The following FOXP1 variants were observed in gnomAD, a reference collection of about 807,000 sequenced individuals.
FOXP1 encodes forkhead box P1.
A neutral mutation model predicts 98.2 loss-of-function variants in FOXP1; 15 were observed. The ratio of observed to expected loss-of-function variants is 0.15; its 90% confidence interval spans 0.10 to 0.24. The LOEUF (loss-of-function observed/expected upper bound fraction) is 0.24, where lower values mean the gene tolerates loss of function less well. Ranked by LOEUF, FOXP1 falls within the 10% of genes least tolerant of loss-of-function variation. The pLI, the probability that FOXP1 is intolerant of heterozygous loss-of-function variation, is 1.00. For missense variants in FOXP1, 633 were observed against 848.5 expected (o/e 0.75, Z 3.15); for synonymous variants, 371 against 314.5 (o/e 1.18, Z -1.90).
chr3:71,529,608 G>A (rs2043669517), intron 2 of FOXP1, among the ~76,000 whole-genome samples: 1 of 152,202 alleles, frequency 6.6e-6, no homozygotes, highest in Non-Finnish European at 1.5e-5. Flanking sequence ...GAGAGGGACT[G>A]AAGGTTAAGT....
At chr3:71,178,304 T>C (rs1419719146) in intron 6 of FOXP1, among the ~76,000 whole-genome samples, 3 of 152,032 alleles carry the variant, frequency 2.0e-5, no homozygotes, top group Admixed American at 6.6e-5. Context: ...CTGGCTAATT[T>C]GTTTGTATTT....
intron 7 of FOXP1, among the ~76,000 whole-genome samples, chr3:71,096,956 G>A (rs570067052): frequency 8.5e-5 from 13 of 152,286 alleles, no homozygotes; most frequent in African/African-American, 2.6e-4. Context: ...GAAGGAAAGT[G>A]GGGTGTTAGG....
intron 17 of FOXP1, among the ~76,000 whole-genome samples, chr3:70,973,662 A>G (rs2036831725): frequency 6.6e-6 from 1 of 152,126 alleles, no homozygotes; most frequent in Non-Finnish European, 1.5e-5. Context: ...ACATGAAGAC[A>G]TTCTAAAGAG....
intron 3 of FOXP1, among the ~76,000 whole-genome samples, chr3:71,419,044 G>C (rs1279612109): frequency 6.6e-6 from 1 of 151,454 alleles, no homozygotes; most frequent in Non-Finnish European, 1.5e-5. Context: ...AGACCAGCCT[G>C]ACCAACATGG....
At chr3:71,315,862 T>C (rs767771456) in intron 4 of FOXP1, among the ~76,000 whole-genome samples, 2 of 152,240 alleles carry the variant, frequency 1.3e-5, no homozygotes, top group East Asian at 3.8e-4. Context: ...AAGCTGGACT[T>C]GAACAAGCTT....
At chr3:71,090,412 G>A (rs1283813421) in intron 7 of FOXP1, among the ~76,000 whole-genome samples, 2 of 152,182 alleles carry the variant, frequency 1.3e-5, no homozygotes, top group Non-Finnish European at 2.9e-5. Flanking sequence ...CTGCAGGTGT[G>A]AGGAGAACCA....
intron 2 of FOXP1, among the ~76,000 whole-genome samples, chr3:71,509,559 G>A (rs184398530): frequency 6.6e-6 from 1 of 152,084 alleles, no homozygotes; most frequent in Non-Finnish European, 1.5e-5. Context: ...ATCATGGGGG[G>A]AGGACATAAT....
At chr3:71,088,882 CTCTT>C (rs984894511) in intron 7 of FOXP1, among the ~76,000 whole-genome samples, 1 of 152,186 alleles carries the variant, frequency 6.6e-6, no homozygotes, top group African/African-American at 2.4e-5. Context: ...TTGTCAATCT[CTCTT>C]TCTTATTAGT....
chr3:71,516,312 G>C (rs1173160588), intron 2 of FOXP1, among the ~76,000 whole-genome samples: 1 of 152,142 alleles, frequency 6.6e-6, no homozygotes, highest in Non-Finnish European at 1.5e-5. Flanking sequence ...GTGTGTATCT[G>C]AGAGTATGAG....
At chr3:71,525,990 G>A (rs953795506) in intron 2 of FOXP1, among the ~76,000 whole-genome samples, 2 of 151,880 alleles carry the variant, frequency 1.3e-5, no homozygotes, top group African/African-American at 4.8e-5. Context: ...GCATGGTGGT[G>A]GGCGCCTGTA....
At chr3:71,540,368 T>C (rs2044696908) in intron 2 of FOXP1, among the ~76,000 whole-genome samples, 1 of 152,086 alleles carries the variant, frequency 6.6e-6, no homozygotes, top group Non-Finnish European at 1.5e-5. Context: ...CTGCAGAAGG[T>C]GCTAGAAAAG....
At chr3:71,233,689 C>A (rs1210008173) in intron 5 of FOXP1, among the ~76,000 whole-genome samples, 1 of 121,180 alleles carries the variant, frequency 8.3e-6, no homozygotes, top group African/African-American at 2.6e-5. Flanking sequence ...CGGCCTCGCA[C>A]CCCCCCAGCT....
chr3:71,111,089 T>C (rs2057881653), intron 7 of FOXP1, among the ~76,000 whole-genome samples: 1 of 152,214 alleles, frequency 6.6e-6, no homozygotes, highest in Admixed American at 6.5e-5. Flanking sequence ...GTCAGTTTGA[T>C]CTTTGGGGAT....
Position 70,959,011 on chromosome 3 carries a change from A to G in FOXP1, c.*236T>C. ...AAAATCCCAAGTACCAAACAAGTCC[A>G]TCCAATGCACAGAGTACAAATTCCT... On this transcript the variant is annotated 3_prime_UTR_variant, in exon 21 of 21. Coordinates refer to ENST00000649528, the MANE Select transcript of FOXP1 (RefSeq NM_001349338.3). 6.0e-6 allele frequency: 3 copies of G among 499,188 alleles called. No homozygotes were observed. The highest frequency in any genetic ancestry group is 7.1e-5 in the East Asian group (2 of 28,132). The allele number at this position is 499,188 out of a possible 1,614,324, so 30.9% of individuals were successfully genotyped here. A position where few individuals can be genotyped will look rare whatever the true frequency, so the allele number is the denominator to read the frequency against.
rs545339401 is a variant in FOXP1, at chr3:71,370,031, G to A, written c.-167-10787C>T. On this transcript the variant is annotated intron_variant, in intron 3 of 20. Transcript: ENST00000649528. ...CCTGCAAGCCATTAAATTAGAAGTC[G>A]GTGGGTGTTAGCCAGGTAGAGAGCA... 5.3e-5 allele frequency among the ~76,000 whole-genome samples: 8 copies of A among 152,296 alleles called. No homozygotes were observed. In the East Asian group the frequency reaches 7.7e-4, roughly 15 times the overall value.
chr3:71,324,848 TA>T, intron 4 of FOXP1, among the ~76,000 whole-genome samples: 1 of 151,946 alleles, frequency 6.6e-6, no homozygotes, highest in Non-Finnish European at 1.5e-5. Flanking sequence ...TTGCGAACTC[TA>T]AAGTCTGTTG....
chr3:71,051,586 A>T (rs554310792), intron 9 of FOXP1, among the ~76,000 whole-genome samples: 1 of 152,382 alleles, frequency 6.6e-6, no homozygotes, highest in African/African-American at 2.4e-5. Context: ...AGAAGCTGTT[A>T]AAGTGGATGA....
chr3:71,557,356 A>C (rs1207038944), intron 2 of FOXP1, among the ~76,000 whole-genome samples: 2 of 151,376 alleles, frequency 1.3e-5, no homozygotes, highest in African/African-American at 4.9e-5. Context: ...TCTTTCTCTG[A>C]AAAAAAAATC....
chr3:71,253,958 T>C (rs2068426164), intron 5 of FOXP1, among the ~76,000 whole-genome samples: 1 of 152,196 alleles, frequency 6.6e-6, no homozygotes, highest in Admixed American at 6.5e-5. Context: ...AGTTCAAATT[T>C]TCTGCTATGA....
Sources: gnomAD v4.1 joint callset for allele counts (sites outside exome capture counted in the v4.1 genomes callset) on GRCh38, gnomAD v4.1.1 for gene constraint, MANE v1.5 for transcripts, NCBI Gene and HGNC (gene_info 2026-07-23, HGNC 2026-07-21) for gene names.